The following PCMTD1 variants were observed in gnomAD, a reference collection of about 807,000 sequenced individuals.
PCMTD1 encodes the protein protein-L-isoaspartate O-methyltransferase domain-containing protein 1.
A neutral mutation model predicts 37.6 loss-of-function variants in PCMTD1; 12 were observed. The observed-to-expected ratio is 0.32, with a 90% CI of 0.20 to 0.52. The LOEUF is 0.52. Ranked by LOEUF, PCMTD1 falls within the 20% of genes least tolerant of loss-of-function variation. The pLI, the probability that PCMTD1 is intolerant of heterozygous loss-of-function variation, is 0.97. For synonymous variants in PCMTD1, 117 were observed against 135.8 expected, an observed-to-expected ratio of 0.86 and a Z score of 0.96; for missense variants, 235 against 421.3, an observed-to-expected ratio of 0.56 and a Z score of 3.87.
chr8:51,850,023 A>G (rs986083095), intron 2 of PCMTD1: 7 of 701,410 alleles, frequency 1.0e-5, no homozygotes, highest in Non-Finnish European at 1.8e-5. Context: ...CACAATACAT[A>G]AAGTTCTGAA....
chr8:51,842,266 C>CT (rs945683837), intron 3 of PCMTD1, among the ~76,000 whole-genome samples: 1 of 151,884 alleles, frequency 6.6e-6, no homozygotes. Flanking sequence ...ACTTACAATA[C>CT]TTTTTTTTAA....
chr8:51,831,471 T>C lies in PCMTD1; in HGVS notation c.679A>G (p.Asn227Asp), dbSNP rs1179503326. 6.2e-7 allele frequency: 1 copy of C among 1,613,712 alleles called. No homozygotes were observed. The highest frequency in any genetic ancestry group is 8.5e-7 in the Non-Finnish European group (1 of 1,179,864). Reference protein sequence around the residue: ...APLVQPSKNDNGKPDSVGLPP... With the variant: ...APLVQPSKNDDGKPDSVGLPP... ...AGTCCCACAGAATCTGGTTTGCCAT[T>C]ATCATTCTTACTTGGTTGCACAAGT... The change falls in exon 5 of 6, where the codon AAT (asparagine) becomes GAT (aspartate). Residue 227 changes from asparagine (N) to aspartate (D), a missense_variant. Transcript: ENST00000522514.
chr8:51,895,349 T>A (rs1363754462), intron 1 of PCMTD1, among the ~76,000 whole-genome samples: 2 of 152,212 alleles, frequency 1.3e-5, no homozygotes, highest in East Asian at 3.8e-4. Context: ...CATCAATTGA[T>A]AACATGATTA....
intron 2 of PCMTD1, chr8:51,849,455 T>C (rs2129282531): frequency 6.6e-6 from 1 of 152,280 alleles, no homozygotes; most frequent in East Asian, 1.9e-4. Context: ...GCTTAATTTT[T>C]GTAACTTTTT....
chr8:51,836,341 CTAAT>C (rs2038066193), intron 3 of PCMTD1, among the ~76,000 whole-genome samples: 1 of 152,172 alleles, frequency 6.6e-6, no homozygotes. Context: ...TGTAAAATAT[CTAAT>C]TCTTTATATT....
intron 1 of PCMTD1, among the ~76,000 whole-genome samples, chr8:51,887,794 T>C (rs911573724): frequency 1.4e-5 from 2 of 147,392 alleles, no homozygotes; most frequent in Admixed American, 1.4e-4. Context: ...CAGGCTGGAG[T>C]GCAGTGGCAC....
intron 2 of PCMTD1, chr8:51,850,042 A>T (rs1404522259): frequency 1.4e-6 from 1 of 702,182 alleles, no homozygotes; most frequent in East Asian, 2.7e-5. Context: ...AAGATGAAAT[A>T]ATTCAAGATC....
intron 1 of PCMTD1, among the ~76,000 whole-genome samples, chr8:51,867,770 T>TA (rs1354305778): frequency 6.6e-6 from 1 of 151,856 alleles, no homozygotes; most frequent in Non-Finnish European, 1.5e-5. Context: ...TGGTTAAACT[T>TA]ACAAAAGTAG....
chr8:51,852,943 G>GA (rs1354674855), intron 2 of PCMTD1, among the ~76,000 whole-genome samples: 20 of 152,184 alleles, frequency 1.3e-4, no homozygotes, highest in African/African-American at 4.8e-4. Context: ...CACTGGAGAA[G>GA]AAACAGGATG....
chr8:51,896,400 C>G (rs150482429), intron 1 of PCMTD1: 9 of 152,274 alleles, frequency 5.9e-5, no homozygotes, highest in African/African-American at 2.2e-4. Context: ...AAATTTTAAT[C>G]CTTTTAGACT....
chr8:51,856,141 T>C (rs1452925559), intron 2 of PCMTD1, among the ~76,000 whole-genome samples: 1 of 151,878 alleles, frequency 6.6e-6, no homozygotes, highest in African/African-American at 2.4e-5. Context: ...AAGACTTATA[T>C]CCAAAATATA....
chr8:51,840,076 G>A (rs533761599), intron 3 of PCMTD1, among the ~76,000 whole-genome samples: 34 of 152,106 alleles, frequency 2.2e-4, no homozygotes, highest in Non-Finnish European at 3.8e-4. Flanking sequence ...ACATTTTCAA[G>A]TGTTTTCCAT....
chr8:51,895,220 G>A (rs902769419), intron 1 of PCMTD1, among the ~76,000 whole-genome samples: 3 of 152,150 alleles, frequency 2.0e-5, no homozygotes, highest in Non-Finnish European at 4.4e-5. Context: ...AAGGCCCCAA[G>A]AAGGGAGAGT....
chr8:51,899,086 C>T, upstream of PCMTD1: 2 of 1,485,300 alleles, frequency 1.3e-6, no homozygotes, highest in East Asian at 2.7e-5. Flanking sequence ...GCCTCCCGGA[C>T]TCCGGAGCCG....
chr8:51,874,756 T>A (rs1328283336), intron 1 of PCMTD1, among the ~76,000 whole-genome samples: 2 of 152,242 alleles, frequency 1.3e-5, no homozygotes, highest in Non-Finnish European at 2.9e-5. Flanking sequence ...TTTGGATATT[T>A]AAATTTTTAA....
At chr8:51,850,683 T>C (rs1284143547) in intron 2 of PCMTD1, among the ~76,000 whole-genome samples, 1 of 152,176 alleles carries the variant, frequency 6.6e-6, no homozygotes, top group East Asian at 1.9e-4. Flanking sequence ...AACTAAATAT[T>C]CACCACAAGG....
At chr8:51,847,620 C>CT (rs1563344598) in intron 2 of PCMTD1, among the ~76,000 whole-genome samples, 1 of 151,774 alleles carries the variant, frequency 6.6e-6, no homozygotes, top group Admixed American at 6.6e-5. Context: ...GAGCAAGACT[C>CT]TGTCTCAAAA....
intron 1 of PCMTD1, among the ~76,000 whole-genome samples, chr8:51,898,403 T>A (rs1382924905): frequency 6.6e-6 from 1 of 152,108 alleles, no homozygotes; most frequent in Non-Finnish European, 1.5e-5. Context: ...GCGCCTGCTA[T>A]AACCTCTCAG....
intron 1 of PCMTD1, among the ~76,000 whole-genome samples, chr8:51,873,837 T>A (rs1333982865): frequency 6.6e-6 from 1 of 152,036 alleles, no homozygotes; most frequent in Non-Finnish European, 1.5e-5. Flanking sequence ...CTGTAAAGCC[T>A]GAAGAACCAT....
Sources: allele counts gnomAD v4.1 joint callset (sites outside exome capture counted in the v4.1 genomes callset), GRCh38; gene constraint gnomAD v4.1.1; transcripts MANE v1.5; gene names NCBI Gene and HGNC (gene_info 2026-07-23, HGNC 2026-07-21).